Variants in ESRRG observed in about 807,000 individuals in gnomAD.
ESRRG encodes the protein estrogen related receptor gamma.
ESRRG carries 13 observed loss-of-function variants against 44.0 expected under a neutral mutation model. That is an observed-to-expected ratio of 0.30 (90% CI 0.19 to 0.47). The LOEUF is 0.47. Among genes scored for constraint, ESRRG ranks in the 20% least tolerant of loss-of-function variants. ESRRG has a pLI of 1.00. For missense variants in ESRRG, 395 were observed against 580.6 expected (o/e 0.68, Z 3.29); for synonymous variants, 215 against 214.6 (o/e 1.00, Z -0.02).
chr1:216,736,446 G>T (rs1034773683), intron 2 of ESRRG, among the ~76,000 whole-genome samples: 1 of 152,004 alleles, frequency 6.6e-6, no homozygotes, highest in Non-Finnish European at 1.5e-5. Flanking sequence ...GCCTCCCAAA[G>T]TGCTGGGATT....
intron 1 of ESRRG, among the ~76,000 whole-genome samples, chr1:217,025,352 T>TA (rs142131330): frequency 0.24 from 35,536 of 148,358 alleles, 4,478 homozygotes; most frequent in Middle Eastern, 0.41. Context: ...ATTTCTGCTT[T>TA]AAAAAAAAAA....
chr1:216,749,070 TA>T (rs2091740081), intron 2 of ESRRG, among the ~76,000 whole-genome samples: 1 of 152,026 alleles, frequency 6.6e-6, no homozygotes, highest in Non-Finnish European at 1.5e-5. Context: ...TCTAGCACTA[TA>T]AGGAGCAGGG....
At chr1:216,828,671 C>T (rs2095437303) in intron 2 of ESRRG, among the ~76,000 whole-genome samples, 1 of 152,068 alleles carries the variant, frequency 6.6e-6, no homozygotes, top group African/African-American at 2.4e-5. Flanking sequence ...GGGAATAAAC[C>T]CCCAAAGAAC....
intron 1 of ESRRG, among the ~76,000 whole-genome samples, chr1:216,679,253 T>C (rs1176509866): frequency 6.6e-6 from 1 of 152,226 alleles, no homozygotes; most frequent in Non-Finnish European, 1.5e-5. Context: ...CTCTCTCTTC[T>C]GCATCTGCTG....
intron 6 of ESRRG, among the ~76,000 whole-genome samples, chr1:216,507,543 G>A (rs998674138): frequency 1.3e-5 from 2 of 152,086 alleles, no homozygotes; most frequent in African/African-American, 2.4e-5. Flanking sequence ...ACCACGGAAG[G>A]CCATCTATTG....
intron 3 of ESRRG, among the ~76,000 whole-genome samples, chr1:216,594,272 C>T (rs1262193568): frequency 6.6e-6 from 1 of 151,984 alleles, no homozygotes; most frequent in Non-Finnish European, 1.5e-5. Flanking sequence ...AAAACATGTT[C>T]GTTATTGTTA....
intron 5 of ESRRG, among the ~76,000 whole-genome samples, chr1:216,559,126 T>A (rs2058200581): frequency 6.6e-6 from 1 of 152,148 alleles, no homozygotes; most frequent in African/African-American, 2.4e-5. Context: ...TGCCTCGGCC[T>A]CCCAAAGTGT....
In ESRRG at chr1:217,026,112, A is replaced by T. The variant is rs2081139257; in HGVS notation, c.-106+63395T>A. On this transcript the variant is annotated intron_variant, in intron 1 of 7. Transcript: ENST00000359162. ...CTTGCCTTTAGTTGCCCGACCTCTC[A>T]TCTGGCCTACTGAGCCCCACACAAC... Among the ~76,000 whole-genome samples, 4 of 152,252 alleles carry T rather than the reference A, an allele frequency of 2.6e-5. No homozygotes were observed. The Middle Eastern group carries it at 0.01, about 388-fold the overall frequency.
rs9308379 is a variant in ESRRG, at chr1:216,983,031, G to GTTTT, written c.-105-43362_-105-43359dup. 1.2e-4 allele frequency among the ~76,000 whole-genome samples: 16 copies of GTTTT among 133,002 alleles called. 1 individual carries two copies. In the East Asian group the frequency reaches 1.3e-3, roughly 11 times the overall value. The allele number at this position is 133,002 out of a possible 152,430, so 87.3% of individuals were successfully genotyped here. A position where few individuals can be genotyped will look rare whatever the true frequency, so the allele number is the denominator to read the frequency against. Reference sequence around the variant, plus strand: ...CTGACTAGTTACGTGACTTTGAACTGTTTTTTTTTTTTTTTTTTTTTAACT... The same window carrying GTTTT: ...CTGACTAGTTACGTGACTTTGAACTGTTTTTTTTTTTTTTTTTTTTTTTTTAACT... On this transcript the variant is annotated intron_variant, in intron 1 of 7. Coordinates refer to the ESRRG transcript ENST00000359162.
chr1:216,708,585 G>A (rs568649061), intron 1 of ESRRG, among the ~76,000 whole-genome samples: 39 of 152,294 alleles, frequency 2.6e-4, no homozygotes, highest in African/African-American at 9.4e-4. Context: ...AGAGGATGTG[G>A]AGAAATAGGA....
rs192488701 is a variant in ESRRG, at chr1:216,930,587, T to C, written c.-14+8995A>G. ...TTCACTGTGTTAAAGACCTGGAAACTGCAAAGACGTATAAGACATAGTTCT... is the reference window on the plus strand; with the variant it reads ...TTCACTGTGTTAAAGACCTGGAAACCGCAAAGACGTATAAGACATAGTTCT... On this transcript the variant is annotated intron_variant, in intron 2 of 7. Coordinates refer to the ESRRG transcript ENST00000359162. 1.1e-3 allele frequency among the ~76,000 whole-genome samples: 160 copies of C among 152,356 alleles called. 2 individuals carry two copies. The highest frequency in any genetic ancestry group is 3.8e-3 in the African/African-American group (156 of 41,594).
intron 6 of ESRRG, among the ~76,000 whole-genome samples, chr1:216,509,252 A>G (rs1046094669): frequency 1.3e-5 from 2 of 152,200 alleles, no homozygotes; most frequent in African/African-American, 4.8e-5. Context: ...AACACATCCT[A>G]TTCAAACTCC....
At chr1:216,841,267 A>G (rs1456424795) in intron 2 of ESRRG, among the ~76,000 whole-genome samples, 1 of 152,072 alleles carries the variant, frequency 6.6e-6, no homozygotes, top group African/African-American at 2.4e-5. Flanking sequence ...ACGCACACTC[A>G]GGGTAGACTC....
chr1:216,550,969 G>A (rs2056147471), intron 5 of ESRRG, among the ~76,000 whole-genome samples: 1 of 152,114 alleles, frequency 6.6e-6, no homozygotes, highest in East Asian at 1.9e-4. Flanking sequence ...CATGGGAATA[G>A]AGAGCCGCAG....
intron 2 of ESRRG, among the ~76,000 whole-genome samples, chr1:216,674,928 T>C (rs1012254733): frequency 2.0e-5 from 3 of 151,602 alleles, no homozygotes; most frequent in Non-Finnish European, 4.4e-5. Context: ...AACATTTTGA[T>C]TGTGTTCTCA....
Position 216,531,377 on chromosome 1 carries a change from T to C in ESRRG, c.863-11956A>G, listed in dbSNP as rs549490448. ...GCTAATGAAGATCTGTTTGTGAATA[T>C]TTACTCCCAAGTTCACGGCTCGTGT... On this transcript the variant is annotated intron_variant, in intron 5 of 6. Coordinates refer to ENST00000408911, the MANE Select transcript of ESRRG (RefSeq NM_001438.4). Among the ~76,000 whole-genome samples the C allele has an allele frequency of 2.0e-5, 3 of 152,210 alleles. No individual in the cohort carries two copies. In the South Asian group the frequency reaches 6.2e-4, roughly 32 times the overall value.
Position 217,095,319 on chromosome 1 carries a change from C to T in ESRRG, c.-230+42348G>A, listed in dbSNP as rs753928285. 1.9e-4 allele frequency among the ~76,000 whole-genome samples: 29 copies of T among 152,276 alleles called. No individual in the cohort carries two copies. In the Middle Eastern group the frequency reaches 0.014, roughly 71 times the overall value. ...TTTTCAAGGTATTTTACTTAACTGA[C>T]ATGGGAAAATGAACCAGCCTTTTAG... On this transcript the variant is annotated intron_variant, in intron 1 of 8. Transcript: ENST00000366940.
chr1:216,944,776 T>C (rs2065804511), intron 1 of ESRRG, among the ~76,000 whole-genome samples: 1 of 152,146 alleles, frequency 6.6e-6, no homozygotes, highest in African/African-American at 2.4e-5. Flanking sequence ...TCTTAGACAA[T>C]TGCTAATGAC....
chr1:216,906,205 T>TC (rs142154561), intron 2 of ESRRG, among the ~76,000 whole-genome samples: 4,210 of 152,104 alleles, frequency 0.028, 211 homozygotes, highest in African/African-American at 0.095. Flanking sequence ...CCCTTATATA[T>TC]CCCCTCCATT....
Sources: allele counts gnomAD v4.1 joint callset (sites outside exome capture counted in the v4.1 genomes callset), GRCh38; gene constraint gnomAD v4.1.1; transcripts MANE v1.5; gene names NCBI Gene and HGNC (gene_info 2026-07-23, HGNC 2026-07-21).